The following DSCAML1 variants were observed in gnomAD, a reference collection of about 807,000 sequenced individuals.
DSCAML1 encodes the protein DS cell adhesion molecule like 1.
A neutral mutation model predicts 200.5 loss-of-function variants in DSCAML1; 38 were observed. That is an observed-to-expected ratio of 0.19 (90% CI 0.15 to 0.25). DSCAML1 has a LOEUF of 0.25. Among genes scored for constraint, DSCAML1 ranks in the 10% least tolerant of loss-of-function variants. The pLI is 1.00. For synonymous variants in DSCAML1, 1,215 were observed against 1,165.0 expected (o/e 1.04, Z -0.87); for missense variants, 2,223 against 2,858.8 (o/e 0.78, Z 5.07).
At position 117,463,806 on chromosome 11, in the gene DSCAML1, C is replaced by T. The variant is rs960584403; in HGVS notation, c.3265+1136G>A. Among the ~76,000 whole-genome samples, 7 of 152,170 alleles carry T rather than the reference C, an allele frequency of 4.6e-5. No homozygotes were observed. The highest frequency in any genetic ancestry group is 8.8e-5 in the Non-Finnish European group (6 of 68,042). On this transcript the variant is annotated intron_variant, in intron 17 of 32. Coordinates refer to ENST00000651296, the MANE Select transcript of DSCAML1 (RefSeq NM_020693.4). The surrounding 1 kb of genome is among the most constrained non-coding windows in gnomAD (Gnocchi z 4.0). ...GTGCTCTGGGGCTATTGAAGTCGGCCCCATCTTAAAGCCCAGCTTTTGCCC... is the reference window on the plus strand; with the variant it reads ...GTGCTCTGGGGCTATTGAAGTCGGCTCCATCTTAAAGCCCAGCTTTTGCCC...
At chr11:117,670,033 C>T (rs761239867) in intron 3 of DSCAML1, among the ~76,000 whole-genome samples, 11 of 152,346 alleles carry the variant, frequency 7.2e-5, no homozygotes, top group Admixed American at 2.6e-4. Context: ...AAGTTTTCAG[C>T]GACCTTTGTC....
chr11:117,697,986 G>T (rs142200501), intron 3 of DSCAML1, among the ~76,000 whole-genome samples: 2 of 152,034 alleles, frequency 1.3e-5, no homozygotes, highest in Admixed American at 6.6e-5. Flanking sequence ...TGCCCAGGAT[G>T]GTCTCGATCT....
intron 3 of DSCAML1, among the ~76,000 whole-genome samples, chr11:117,723,432 C>CA (rs896860046): frequency 6.6e-6 from 1 of 152,162 alleles, no homozygotes; most frequent in Admixed American, 6.5e-5. Context: ...CAAGGATTGC[C>CA]ATGAGAGATT....
intron 18 of DSCAML1, among the ~76,000 whole-genome samples, chr11:117,459,729 G>T (rs918615721): frequency 6.6e-6 from 1 of 152,242 alleles, no homozygotes; most frequent in African/African-American, 2.4e-5. Context: ...CTCCCACTAG[G>T]ACTGCTGGGC....
intron 11 of DSCAML1, among the ~76,000 whole-genome samples, chr11:117,492,979 G>A (rs1019386000): frequency 3.3e-5 from 5 of 152,214 alleles, no homozygotes; most frequent in Non-Finnish European, 7.3e-5. Flanking sequence ...CAGCTTCAGC[G>A]CCAAGAGCCA....
chr11:117,442,187 GTA>G (rs1491291403), intron 21 of DSCAML1, among the ~76,000 whole-genome samples: 8 of 149,282 alleles, frequency 5.4e-5, no homozygotes, highest in South Asian at 2.1e-4. Context: ...TGTATAGTGT[GTA>G]TGTGTGTGCA....
chr11:117,617,698 A>G (rs1048476932), intron 3 of DSCAML1, among the ~76,000 whole-genome samples: 11 of 151,108 alleles, frequency 7.3e-5, no homozygotes, highest in African/African-American at 2.2e-4. Context: ...ACACACACAC[A>G]CACACACACA....
At chr11:117,781,796 A>G (rs935821971) in intron 1 of DSCAML1, among the ~76,000 whole-genome samples, 1 of 152,256 alleles carries the variant, frequency 6.6e-6, no homozygotes, top group African/African-American at 2.4e-5. Flanking sequence ...CCAACCCTCA[A>G]CCACATGGGA....
At chr11:117,753,594 G>C (rs574983908) in intron 3 of DSCAML1, among the ~76,000 whole-genome samples, 1 of 152,330 alleles carries the variant, frequency 6.6e-6, no homozygotes, top group East Asian at 1.9e-4. Context: ...CAAACACTGA[G>C]CATAACATGA....
chr11:117,431,595 G>C lies in DSCAML1; in HGVS notation c.5313C>G (p.Ser1771=). 1 of 1,612,318 alleles carries C rather than the reference G, an allele frequency of 6.2e-7. No individual in the cohort carries two copies. The highest frequency in any genetic ancestry group is 8.5e-7 in the Non-Finnish European group (1 of 1,178,994). Residue 1771 remains serine (S), a synonymous_variant, in exon 31 of 33, where the codon TCC becomes TCG. Coordinates refer to ENST00000651296, the MANE Select transcript of DSCAML1 (RefSeq NM_020693.4). The stretch of plus-strand genomic sequence containing the variant: ...TCTCAGTGACCGTGACACCATGCTG[G>C]GAGCCCACGGTGCGCCAGTCGGAGG... ...TLTSDWRTVG[S]QHGVTVTESD... is the part of the protein sequence containing the mutation.
chr11:117,788,299 G>T (rs1346778680), intron 1 of DSCAML1, among the ~76,000 whole-genome samples: 11 of 152,038 alleles, frequency 7.2e-5, no homozygotes, highest in Admixed American at 7.2e-4. Context: ...GGTTTGTTTT[G>T]TTGTTGTTGT....
At chr11:117,449,064 C>T (rs567464016) in intron 20 of DSCAML1, among the ~76,000 whole-genome samples, 5 of 152,236 alleles carry the variant, frequency 3.3e-5, no homozygotes, top group South Asian at 2.1e-4. Flanking sequence ...CATACAACAA[C>T]GCGAATGAAA....
intron 3 of DSCAML1, among the ~76,000 whole-genome samples, chr11:117,534,294 C>T (rs966981243): frequency 1.3e-5 from 2 of 152,192 alleles, no homozygotes; most frequent in Non-Finnish European, 2.9e-5. Context: ...CACTGGAGGC[C>T]GTAGAACTGC....
intron 3 of DSCAML1, among the ~76,000 whole-genome samples, chr11:117,594,818 G>A (rs183049744): frequency 6.6e-6 from 1 of 152,294 alleles, no homozygotes; most frequent in Non-Finnish European, 1.5e-5. Context: ...GATGAAAGAT[G>A]TGTTCCTCCC....
At chr11:117,546,204 G>A (rs1457088040) in intron 3 of DSCAML1, among the ~76,000 whole-genome samples, 1 of 152,188 alleles carries the variant, frequency 6.6e-6, no homozygotes, top group South Asian at 2.1e-4. Flanking sequence ...GAAGCACTCA[G>A]GAGGACACAG....
intron 1 of DSCAML1, among the ~76,000 whole-genome samples, chr11:117,813,825 C>A (rs540735827): frequency 6.6e-6 from 1 of 152,194 alleles, no homozygotes; most frequent in Non-Finnish European, 1.5e-5. Context: ...ACCACTCCCC[C>A]AAAATTTTCA....
chr11:117,643,944 T>C (rs1361871685), intron 3 of DSCAML1, among the ~76,000 whole-genome samples: 1 of 152,184 alleles, frequency 6.6e-6, no homozygotes, highest in East Asian at 1.9e-4. Context: ...AGCTGGAACG[T>C]TCAGCCCAAG....
At chr11:117,475,849 A>G (rs2048782045) in intron 14 of DSCAML1, among the ~76,000 whole-genome samples, 1 of 151,986 alleles carries the variant, frequency 6.6e-6, no homozygotes, top group African/African-American at 2.4e-5. Flanking sequence ...TTGTGTTCCC[A>G]AACCATCTTT....
intron 3 of DSCAML1, among the ~76,000 whole-genome samples, chr11:117,593,318 G>C (rs1455682815): frequency 6.6e-6 from 1 of 152,238 alleles, no homozygotes; most frequent in African/African-American, 2.4e-5. Flanking sequence ...CAAAATGGCA[G>C]ATTCCCCAAA....
Sources: gnomAD v4.1 joint callset for allele counts (sites outside exome capture counted in the v4.1 genomes callset) on GRCh38, gnomAD v4.1.1 for gene constraint, Gnocchi (gnomAD v3.1) non-coding constraint, MANE v1.5 for transcripts, NCBI Gene and HGNC (gene_info 2026-07-23, HGNC 2026-07-21) for gene names.